ZUP1: variants seen among roughly 807,000 people sequenced by gnomAD.
ZUP1 encodes zinc finger containing ubiquitin peptidase 1.
ZUP1 carries 55 observed loss-of-function variants against 68.1 expected under a neutral mutation model. The observed-to-expected ratio is 0.81, with a 90% CI of 0.65 to 1.01. ZUP1 has a LOEUF of 1.01. Ranked by LOEUF, ZUP1 falls within the 50% of genes least tolerant of loss-of-function variation. The pLI is 0.00. For synonymous variants in ZUP1, 223 were observed against 221.5 expected (o/e 1.01, Z -0.06); for missense variants, 684 against 674.9 (o/e 1.01, Z -0.15).
chr6:116,635,847 G>A lies in ZUP1; in HGVS notation c.1722C>T (p.Ala574=), dbSNP rs200868601. The A allele has an allele frequency of 6.2e-5, 99 of 1,597,486 alleles. No homozygotes were observed. The highest frequency in any genetic ancestry group is 7.3e-5 in the Non-Finnish European group (86 of 1,174,580). The stretch of plus-strand genomic sequence containing the variant: ...GCTTGATTCTTCAAGGAATCTTCTC[G>A]GCTGTAAAGACTTGAGAAGCTTGTC... ...ARRQASQVFT[A]EKIP The change falls in exon 10 of 10, where the codon GCC becomes GCT. Residue 574 remains alanine, a synonymous_variant. Coordinates refer to ENST00000368576, the MANE Select transcript of ZUP1 (RefSeq NM_145062.3).
At chr6:116,638,066 C>CA (rs11398572) in intron 9 of ZUP1, among the ~76,000 whole-genome samples, 40,615 of 88,450 alleles carry the variant, frequency 0.46, 7,591 homozygotes, top group African/African-American at 0.55. Flanking sequence ...AGTCGGTCTC[C>CA]AAAAAAAAAA....
At chr6:116,656,879 A>T in intron 4 of ZUP1, 27 bp from the exon 5 acceptor site, 1 of 1,451,470 alleles carries the variant, frequency 6.9e-7, no homozygotes, top group Non-Finnish European at 9.4e-7. Context: ...TAAATGACTT[A>T]ATTTTTACAT....
At chr6:116,636,166 G>A (rs570685623) in intron 9 of ZUP1, among the ~76,000 whole-genome samples, 1 of 152,134 alleles carries the variant, frequency 6.6e-6, no homozygotes, top group Non-Finnish European at 1.5e-5. Flanking sequence ...CAAAGTCAGA[G>A]AGAGATGAAT....
intron 9 of ZUP1, among the ~76,000 whole-genome samples, chr6:116,638,066 C>CAAAA (rs11398572): frequency 1.1e-5 from 1 of 88,808 alleles, no homozygotes; most frequent in African/African-American, 4.0e-5. Flanking sequence ...AGTCGGTCTC[C>CAAAA]AAAAAAAAAA....
chr6:116,666,579 C>A, intron 2 of ZUP1, 55 bp downstream of exon 2: 1 of 1,419,326 alleles, frequency 7.0e-7, no homozygotes. Context: ...TTTAAAATAC[C>A]ACATATTAAA....
chr6:116,651,119 A>T (rs1487766491), intron 7 of ZUP1, among the ~76,000 whole-genome samples: 1 of 152,178 alleles, frequency 6.6e-6, no homozygotes, highest in African/African-American at 2.4e-5. Flanking sequence ...AGTAAAAGAG[A>T]AAAGGAAACA....
In ZUP1 at chr6:116,635,761, G is replaced by T. The variant is rs539551621; in HGVS notation, c.*71C>A. 7.6e-6 allele frequency: 9 copies of T among 1,181,020 alleles called. No individual in the cohort carries two copies. In the African/African-American group the frequency reaches 1.3e-4, roughly 16 times the overall value. 73.2% of individuals were successfully genotyped at this position (1,181,020 alleles called of 1,614,324 possible). A position where few individuals can be genotyped will look rare whatever the true frequency, so the allele number is the denominator to read the frequency against. On this transcript the variant is annotated 3_prime_UTR_variant, in exon 10 of 10. Transcript: ENST00000368576. ...ATTCACAGATTCATAATTGTATTAA[G>T]GAGTTCAATATCTACATTTAGAAAA...
intron 9 of ZUP1, among the ~76,000 whole-genome samples, chr6:116,641,066 T>C (rs369845539): frequency 1.8e-4 from 26 of 148,268 alleles, no homozygotes; most frequent in Admixed American, 8.7e-4. Context: ...AGACTTTAAA[T>C]CAACAAAGAT....
chr6:116,651,346 A>G (rs960048704), intron 7 of ZUP1, among the ~76,000 whole-genome samples: 1 of 152,200 alleles, frequency 6.6e-6, no homozygotes, highest in Non-Finnish European at 1.5e-5. Context: ...AACAGCTATG[A>G]AAGCATACCA....
intron 7 of ZUP1, among the ~76,000 whole-genome samples, chr6:116,651,322 C>T (rs1192905978): frequency 6.6e-6 from 1 of 152,004 alleles, no homozygotes; most frequent in East Asian, 1.9e-4. Context: ...CTATCTGAAA[C>T]TCATAAACCA....
chr6:116,656,544 C>G (rs918583426), intron 5 of ZUP1, 140 bp downstream of exon 5: 4 of 643,544 alleles, frequency 6.2e-6, no homozygotes, highest in Non-Finnish European at 1.0e-5. Context: ...AAAAATAATT[C>G]AGAAGTTTTA....
At chr6:116,651,108 T>C (rs76701708) in intron 7 of ZUP1, among the ~76,000 whole-genome samples, 6 of 152,128 alleles carry the variant, frequency 3.9e-5, no homozygotes, top group Non-Finnish European at 7.4e-5. Flanking sequence ...TCACATATTA[T>C]AGTAAAAGAG....
At chr6:116,654,962 T>G (rs771896235) in intron 5 of ZUP1, among the ~76,000 whole-genome samples, 4 of 152,128 alleles carry the variant, frequency 2.6e-5, no homozygotes, top group Non-Finnish European at 5.9e-5. Flanking sequence ...GTTGAAGATT[T>G]GCACGCCCTT....
At chr6:116,642,254 G>GTGTA (rs968300684) in intron 9 of ZUP1, among the ~76,000 whole-genome samples, 23 of 152,228 alleles carry the variant, frequency 1.5e-4, no homozygotes, top group African/African-American at 5.5e-4. Context: ...TTCTACCAGA[G>GTGTA]GTACAAGGAG....
chr6:116,644,251 C>T (rs1776216180), intron 9 of ZUP1, among the ~76,000 whole-genome samples: 1 of 152,116 alleles, frequency 6.6e-6, no homozygotes, highest in African/African-American at 2.4e-5. Context: ...GGACTATAAA[C>T]TAGTTCAACC....
Position 116,647,466 on chromosome 6 carries a change from C to T in ZUP1, c.1461G>A (p.Gln487=). The T allele has an allele frequency of 1.3e-6, 2 of 1,560,912 alleles. No homozygotes were observed. The highest frequency in any genetic ancestry group is 1.7e-6 in the Non-Finnish European group (2 of 1,147,734). Residue 487 remains glutamine, a synonymous_variant, in exon 8 of 10, where the codon CAG becomes CAA. Transcript: ENST00000368576. The stretch of plus-strand genomic sequence containing the variant: ...AGTTATATTAATACTAACCTTGATG[C>T]TGAAGATAGATAGGAGGTTTAGATG... ...VCTSKPPIYL[Q]HQGHSRTVIG... is the part of the protein sequence containing the mutation.
intron 9 of ZUP1, among the ~76,000 whole-genome samples, chr6:116,643,309 A>C (rs1389852319): frequency 2.0e-5 from 3 of 151,306 alleles, no homozygotes; most frequent in East Asian, 1.9e-4. Flanking sequence ...GCTACCAATG[A>C]CTTTCTTCAC....
chr6:116,657,841 A>G (rs1269595036), intron 4 of ZUP1, among the ~76,000 whole-genome samples: 1 of 152,260 alleles, frequency 6.6e-6, no homozygotes, highest in Non-Finnish European at 1.5e-5. Flanking sequence ...CTATAATCCC[A>G]GCACTTTGGG....
intron 9 of ZUP1, among the ~76,000 whole-genome samples, chr6:116,641,734 G>T (rs1562399349): frequency 6.6e-6 from 1 of 152,058 alleles, no homozygotes; most frequent in East Asian, 1.9e-4. Context: ...ACAAGAGAAA[G>T]CAGAAAAGAT....
Sources: gnomAD v4.1 joint callset for allele counts (sites outside exome capture counted in the v4.1 genomes callset) on GRCh38, gnomAD v4.1.1 for gene constraint, MANE v1.5 for transcripts, NCBI Gene and HGNC (gene_info 2026-07-23, HGNC 2026-07-21) for gene names.